SPATA31F3: variants seen among roughly 807,000 people sequenced by gnomAD.
SPATA31F3 encodes the protein protein SPATA31F3.
At chr9:34,894,111 T>G in the SPATA31F3 span, among the ~76,000 whole-genome samples, 1 of 152,284 alleles carries the variant, frequency 6.6e-6, no homozygotes, top group Non-Finnish European at 1.5e-5. Context: ...ATGACTTCTT[T>G]ACGCAAAATC....
chr9:34,890,120 A>C, the SPATA31F3 span, among the ~76,000 whole-genome samples: 1 of 152,310 alleles, frequency 6.6e-6, no homozygotes, highest in African/African-American at 2.4e-5. Flanking sequence ...CATCTTAGCT[A>C]AACTAAAGTT....
the SPATA31F3 span, chr9:34,892,959 A>G: frequency 1.4e-6 from 1 of 695,362 alleles, no homozygotes; most frequent in South Asian, 1.6e-5. Flanking sequence ...CTATGCTTAA[A>G]AGACACACTA....
At chr9:34,894,889 G>A in the SPATA31F3 span, 5 of 396,456 alleles carry the variant, frequency 1.3e-5, no homozygotes, top group Non-Finnish European at 2.2e-5. Context: ...TCCACCCAAG[G>A]AAGTCTTCCA....
chr9:34,894,698 G>C, the SPATA31F3 span, among the ~76,000 whole-genome samples: 1 of 152,214 alleles, frequency 6.6e-6, no homozygotes, highest in East Asian at 1.9e-4. Context: ...CCATCACACT[G>C]GGAGTGAGGA....
the SPATA31F3 span, among the ~76,000 whole-genome samples, chr9:34,893,636 A>G: frequency 6.6e-6 from 1 of 151,856 alleles, no homozygotes; most frequent in Admixed American, 6.6e-5. Context: ...GAAAAAGAAA[A>G]AGCCATTTGG....
At chr9:34,893,118 G>A in the SPATA31F3 span, 30 of 838,914 alleles carry the variant, frequency 3.6e-5, no homozygotes, top group South Asian at 2.4e-4. Flanking sequence ...CACAGGATTC[G>A]CCGCACACTT....
At chr9:34,893,601 C>CAA in the SPATA31F3 span, among the ~76,000 whole-genome samples, 3 of 128,648 alleles carry the variant, frequency 2.3e-5, no homozygotes, top group African/African-American at 8.5e-5. Flanking sequence ...AACTCTGTCT[C>CAA]AAAAAAAAAA....
the SPATA31F3 span, among the ~76,000 whole-genome samples, chr9:34,890,296 C>A: frequency 1.3e-5 from 2 of 152,210 alleles, no homozygotes; most frequent in African/African-American, 4.8e-5. Flanking sequence ...TTTCCAGCTG[C>A]TTTGAATGTC....
the SPATA31F3 span, among the ~76,000 whole-genome samples, chr9:34,893,601 C>CA: frequency 0.025 from 3,197 of 128,536 alleles, 87 homozygotes; most frequent in African/African-American, 0.078. Flanking sequence ...AACTCTGTCT[C>CA]AAAAAAAAAA....
At chr9:34,894,192 C>T in the SPATA31F3 span, among the ~76,000 whole-genome samples, 9 of 152,112 alleles carry the variant, frequency 5.9e-5, no homozygotes, top group African/African-American at 2.2e-4. Context: ...ATGAATTATA[C>T]ACTAGTACAA....
chr9:34,893,334 C>T, the SPATA31F3 span, among the ~76,000 whole-genome samples: 511 of 152,220 alleles, frequency 3.4e-3, 1 homozygote, highest in South Asian at 0.018. Flanking sequence ...GACATAGTGG[C>T]TCATGCCTCT....
At chr9:34,893,479 T>C in the SPATA31F3 span, among the ~76,000 whole-genome samples, 3 of 151,874 alleles carry the variant, frequency 2.0e-5, no homozygotes, top group Non-Finnish European at 2.9e-5. Context: ...CGTATGCCTG[T>C]AGTCCCAGCT....
the SPATA31F3 span, among the ~76,000 whole-genome samples, chr9:34,894,228 C>T: frequency 6.6e-6 from 1 of 152,120 alleles, no homozygotes; most frequent in African/African-American, 2.4e-5. Context: ...CTACTGTGAC[C>T]CTAGCCCAAA....
chr9:34,890,951 T>G, the SPATA31F3 span, among the ~76,000 whole-genome samples: 1 of 152,192 alleles, frequency 6.6e-6, no homozygotes, highest in Admixed American at 6.5e-5. Context: ...GACTTACACA[T>G]TGCTGTTCAG....
At chr9:34,890,671 A>G in the SPATA31F3 span, among the ~76,000 whole-genome samples, 1 of 152,192 alleles carries the variant, frequency 6.6e-6, no homozygotes, top group African/African-American at 2.4e-5. Context: ...TTAGACTCCT[A>G]AAGGATCCCT....
chr9:34,889,650 C>T, the SPATA31F3 span: 3 of 398,450 alleles, frequency 7.5e-6, no homozygotes, highest in Admixed American at 1.3e-4. Flanking sequence ...AAGGATGATG[C>T]TCTTGTGAGT....
the SPATA31F3 span, chr9:34,894,960 G>C: frequency 0.98 from 390,831 of 398,266 alleles, 191,854 homozygotes; most frequent in Non-Finnish European, 0.99. Flanking sequence ...GCTGTTAGCA[G>C]CAGGGGTCAT....
chr9:34,890,253 T>C, the SPATA31F3 span, among the ~76,000 whole-genome samples: 646 of 152,286 alleles, frequency 4.2e-3, no homozygotes, highest in Non-Finnish European at 5.4e-3. Flanking sequence ...TGGGGAGAGC[T>C]CCAGTGCTGT....
the SPATA31F3 span, among the ~76,000 whole-genome samples, chr9:34,891,393 C>T: frequency 6.6e-6 from 1 of 152,292 alleles, no homozygotes; most frequent in East Asian, 1.9e-4. Context: ...TATTTGTAAT[C>T]TATGTGGCTC....
Sources: gnomAD v4.1 joint callset for allele counts (sites outside exome capture counted in the v4.1 genomes callset) on GRCh38, gnomAD v4.1.1 for gene constraint, MANE v1.5 for transcripts, NCBI Gene and HGNC (gene_info 2026-07-23, HGNC 2026-07-21) for gene names.